Variants in MLXIPL observed in about 807,000 individuals in gnomAD.
MLXIPL encodes the protein MLX interacting protein like.
MLXIPL carries 49 observed loss-of-function variants against 81.5 expected under a neutral mutation model. The observed-to-expected ratio is 0.60, with a 90% CI of 0.48 to 0.76. The LOEUF (loss-of-function observed/expected upper bound fraction) is 0.76, where lower values mean the gene tolerates loss of function less well. Ranked by LOEUF, MLXIPL falls within the 30% of genes least tolerant of loss-of-function variation. The pLI is 0.00. For synonymous variants in MLXIPL, 466 were observed against 485.5 expected (o/e 0.96, Z 0.53); for missense variants, 1,053 against 1,167.0 (o/e 0.90, Z 1.42).
intron 7 of MLXIPL, among the ~76,000 whole-genome samples, chr7:73,601,878 T>C (rs1186672426): frequency 6.6e-6 from 1 of 151,968 alleles, no homozygotes; most frequent in African/African-American, 2.4e-5. Context: ...GCAGAGCCTG[T>C]GTGTTGCAGT....
the MLXIPL span, among the ~76,000 whole-genome samples, chr7:73,638,594 T>C: frequency 6.6e-6 from 1 of 151,910 alleles, no homozygotes; most frequent in Non-Finnish European, 1.5e-5. Flanking sequence ...AACTAAGGCT[T>C]TAATTCCCAA....
the MLXIPL span, among the ~76,000 whole-genome samples, chr7:73,637,556 A>G: frequency 2.0e-4 from 30 of 152,230 alleles, no homozygotes; most frequent in Non-Finnish European, 1.3e-4. Context: ...TTACACTCAT[A>G]TGTCCTTTGC....
At chr7:73,600,452 T>G (rs1405804896) in intron 7 of MLXIPL, among the ~76,000 whole-genome samples, 13 of 9,572 alleles carry the variant, frequency 1.4e-3, no homozygotes, top group South Asian at 5.7e-3. Context: ...CTGAGTGGGG[T>G]GGGGGCGAGA....
In MLXIPL at chr7:73,605,997, G is replaced by A; in HGVS notation, c.733C>T (p.Leu245Phe). 6.3e-7 allele frequency: 1 copy of A among 1,589,942 alleles called. No homozygotes were observed. Among genetic ancestry groups the A allele is most frequent in the East Asian group, 2.3e-5 (1 of 44,002 alleles). ...GAGATGTCGGACAAAAAGCAATTGA[G>A]GTCCAGGAGCTGCCGCCCACCCGGC... ...EEPGGRQLLDLNCFLSDISDT... is the reference protein window; with the variant it reads ...EEPGGRQLLDFNCFLSDISDT... Residue 245 changes from leucine (L) to phenylalanine (F), a missense_variant, in exon 6 of 17, where the codon CTC becomes TTC. Physicochemically the swap from Leu to Phe is conservative, Grantham distance 22. Coordinates refer to ENST00000313375, the MANE Select transcript of MLXIPL (RefSeq NM_032951.3).
intron 2 of MLXIPL, 123 bp from the exon 3 acceptor site, chr7:73,607,795 C>T (rs1795421848): frequency 1.4e-6 from 1 of 730,328 alleles, no homozygotes; most frequent in Non-Finnish European, 2.4e-6. Flanking sequence ...AGATTAAGTG[C>T]CCATGCTGCC....
the MLXIPL span, among the ~76,000 whole-genome samples, chr7:73,633,789 T>A: frequency 2.0e-5 from 3 of 152,128 alleles, no homozygotes; most frequent in Non-Finnish European, 4.4e-5. Flanking sequence ...CTAAACAGCC[T>A]GAGCACCTCA....
At chr7:73,612,978 G>T (rs533887652) in intron 2 of MLXIPL, among the ~76,000 whole-genome samples, 3 of 152,234 alleles carry the variant, frequency 2.0e-5, no homozygotes, top group African/African-American at 7.2e-5. Flanking sequence ...CCCCAGGAGC[G>T]GTGCAAAGTG....
chr7:73,602,889 C>T (rs1323912044), intron 7 of MLXIPL, among the ~76,000 whole-genome samples: 3 of 152,216 alleles, frequency 2.0e-5, no homozygotes, highest in African/African-American at 7.2e-5. Context: ...GTCATGGGGC[C>T]GCAAGGCCCT....
chr7:73,601,787 C>A (rs143510344), intron 7 of MLXIPL, among the ~76,000 whole-genome samples: 1 of 152,130 alleles, frequency 6.6e-6, no homozygotes, highest in Non-Finnish European at 1.5e-5. Context: ...CTGCTTTGGC[C>A]TCCTAAAGTG....
intron 2 of MLXIPL, 86 bp from the exon 3 acceptor site, chr7:73,607,758 C>A (rs1023892879): frequency 8.5e-6 from 10 of 1,182,628 alleles, no homozygotes; most frequent in African/African-American, 3.0e-5. Flanking sequence ...TGACACCCTG[C>A]GAAATCCTGC....
chr7:73,604,257 T>C (rs1202725207), intron 7 of MLXIPL, among the ~76,000 whole-genome samples: 1 of 135,550 alleles, frequency 7.4e-6, no homozygotes, highest in East Asian at 2.2e-4. Context: ...TTACAAGATA[T>C]GATGCATGCC....
chr7:73,635,403 A>G, the MLXIPL span, among the ~76,000 whole-genome samples: 2 of 152,070 alleles, frequency 1.3e-5, no homozygotes, highest in African/African-American at 4.8e-5. Context: ...TTATTTACCT[A>G]TTAATTCATC....
upstream of MLXIPL, among the ~76,000 whole-genome samples, chr7:73,626,027 G>A (rs782674176): frequency 6.6e-6 from 1 of 151,854 alleles, no homozygotes; most frequent in Non-Finnish European, 1.5e-5. Context: ...GTTTTGAGAC[G>A]GAGGCTCACT....
intron 1 of MLXIPL, among the ~76,000 whole-genome samples, chr7:73,621,348 C>G (rs1036288209): frequency 6.6e-6 from 1 of 151,712 alleles, no homozygotes; most frequent in Admixed American, 6.6e-5. Flanking sequence ...GATCCTCCCT[C>G]TGCCCACGCT....
At position 73,596,427 on chromosome 7, in the gene MLXIPL, A is replaced by G; in HGVS notation, c.1875T>C (p.Thr625=). ...GDLSSMPGPG[T]LSVRVSPPQP... ...GCGGGGGAGAGACACGGACGCTCAG[A>G]GTCCCAGGGCCTGGCATGGAGCTGA... Residue 625 remains threonine, a synonymous_variant, in exon 12 of 17, where the codon ACT becomes ACC. Transcript: ENST00000313375. The surrounding 1 kb of genome is among the most constrained non-coding windows in gnomAD (Gnocchi z 4.7). 6.2e-7 allele frequency: 1 copy of G among 1,612,804 alleles called. No individual in the cohort carries two copies. The highest frequency in any genetic ancestry group is 8.5e-7 in the Non-Finnish European group (1 of 1,179,960).
At position 73,596,707 on chromosome 7, in the gene MLXIPL, G is replaced by A; in HGVS notation, c.1754C>T (p.Ala585Val). The A allele has an allele frequency of 6.3e-7, 1 of 1,589,774 alleles. No individual in the cohort carries two copies. Among genetic ancestry groups the A allele is most frequent in the East Asian group, 2.3e-5 (1 of 44,330 alleles). ...CAGGGGCCTGGAAGGGGCCAATGTG[G>A]CCGGGCCTGGAGGTGGCCGGGGCGG... is the stretch of plus-strand genomic sequence containing the variant. ...PTPPRPPPGP[A>V]TLAPSRPLLV... Residue 585 changes from alanine to valine, a missense_variant, in exon 11 of 17, where the codon GCC (alanine) becomes GTC (valine). Physicochemically the swap from Ala to Val is moderately conservative, Grantham distance 64. Coordinates refer to ENST00000313375, the MANE Select transcript of MLXIPL (RefSeq NM_032951.3). This position sits in a 1 kb window ranked among gnomAD's most constrained non-coding sequence, Gnocchi z 4.7.
At chr7:73,629,484 C>A (rs1290718740), upstream of MLXIPL, among the ~76,000 whole-genome samples, 1 of 152,166 alleles carries the variant, frequency 6.6e-6, no homozygotes, top group African/African-American at 2.4e-5. Context: ...CCAGTAATCC[C>A]AGCACTTTGA....
upstream of MLXIPL, among the ~76,000 whole-genome samples, chr7:73,626,469 A>AC (rs1363303836): frequency 6.8e-6 from 1 of 147,964 alleles, no homozygotes; most frequent in Non-Finnish European, 1.5e-5. Flanking sequence ...AACCTGGCTA[A>AC]TTTTTTTTTT....
In MLXIPL at chr7:73,597,756, A is replaced by G. The variant is rs781885978; in HGVS notation, c.1072-43T>C. The G allele has an allele frequency of 5.5e-5, 72 of 1,301,534 alleles. No homozygotes were observed. In the Middle Eastern group the frequency reaches 7.9e-4, roughly 14 times the overall value. The allele number at this position is 1,301,534 out of a possible 1,614,324, so 80.6% of individuals were successfully genotyped here. ...CAGACACTCAGAGAGCAGGGGAGAG[A>G]GCTGCCCCTGGCAGCCATCTGGGCC... is the stretch of plus-strand genomic sequence containing the variant. On this transcript the variant is annotated intron_variant, in intron 8 of 16. Transcript: ENST00000313375.
Sources: gnomAD v4.1 joint callset for allele counts (sites outside exome capture counted in the v4.1 genomes callset) on GRCh38, gnomAD v4.1.1 for gene constraint, Gnocchi (gnomAD v3.1) non-coding constraint, MANE v1.5 for transcripts, NCBI Gene and HGNC (gene_info 2026-07-23, HGNC 2026-07-21) for gene names.